COL6A5: variants seen among roughly 807,000 people sequenced by gnomAD.
The protein encoded by COL6A5 is collagen type VI alpha 5 chain, also known as collagen alpha-5(VI) chain.
Under a neutral mutation model 65.6 loss-of-function variants are expected in COL6A5, and 48 were observed. The ratio of observed to expected loss-of-function variants is 0.73; its 90% confidence interval spans 0.58 to 0.93. COL6A5 has a LOEUF of 0.93. Among genes scored for constraint, COL6A5 ranks in the 40% least tolerant of loss-of-function variants. The probability of loss-of-function intolerance (pLI) is 0.00; values close to 1 mark genes in which losing one functional copy is unlikely to be tolerated. For synonymous variants in COL6A5, 291 were observed against 322.8 expected (o/e 0.90, Z 1.05); for missense variants, 914 against 928.3 (o/e 0.98, Z 0.20).
Position 130,395,555 on chromosome 3 carries a change from T to C in COL6A5, c.3568+90T>C, listed in dbSNP as rs1936569409. The C allele has an allele frequency of 3.3e-5, 31 of 944,124 alleles. No individual in the cohort carries two copies. In the South Asian group the frequency reaches 4.7e-4, roughly 14 times the overall value. The allele number at this position is 944,124 out of a possible 1,614,324, so 58.5% of individuals were successfully genotyped here. On this transcript the variant is annotated intron_variant and NMD_transcript_variant, in intron 8 of 41. Coordinates refer to the COL6A5 transcript ENST00000312481. ...CTTATGGGCTAGCTCTAGCAGAGCA[T>C]ATATTTAGAACATATATTTAGTGAG...
At chr3:130,416,704 C>A in intron 23 of COL6A5, 53 bp from the exon 24 acceptor site, 2 of 994,442 alleles carry the variant, frequency 2.0e-6, no homozygotes, top group African/African-American at 1.6e-5. Context: ...TTCTAATGGG[C>A]TTTCTAAGAA....
chr3:130,461,759 T>A (rs527518223), intron 5 of COL6A5, among the ~76,000 whole-genome samples: 5 of 147,334 alleles, frequency 3.4e-5, no homozygotes, highest in African/African-American at 1.3e-4. Context: ...TAAATTTAAA[T>A]TAACTTTTTT....
chr3:130,352,014 G>A (rs1024283450), intron 1 of COL6A5, among the ~76,000 whole-genome samples: 6 of 152,116 alleles, frequency 3.9e-5, no homozygotes, highest in African/African-American at 1.4e-4. Context: ...GCAGGGACAT[G>A]GATCAAGCTG....
intron 7 of COL6A5, among the ~76,000 whole-genome samples, chr3:130,475,429 T>C (rs145679317): frequency 5.9e-5 from 9 of 152,206 alleles, no homozygotes; most frequent in East Asian, 1.9e-4. Context: ...TCAGAAACCA[T>C]GAAGGCTAGA....
chr3:130,473,311 C>T (rs1710006523), intron 7 of COL6A5, among the ~76,000 whole-genome samples: 1 of 151,980 alleles, frequency 6.6e-6, no homozygotes, highest in African/African-American at 2.4e-5. Flanking sequence ...TGGCTTTATG[C>T]TGAGGGCAAG....
At chr3:130,397,734 A>G (rs1478586605) in exon 9 of COL6A5, 3 of 1,551,732 alleles carry the variant, frequency 1.9e-6, no homozygotes, top group Non-Finnish European at 2.6e-6. Flanking sequence ...GGGCTGGCAC[A>G]GAGGCACAGG....
At chr3:130,358,734 A>G (rs1331344844) in intron 1 of COL6A5, among the ~76,000 whole-genome samples, 4 of 152,172 alleles carry the variant, frequency 2.6e-5, no homozygotes, top group Non-Finnish European at 4.4e-5. Context: ...CCTGAGGGAA[A>G]ATATGATTTG....
At chr3:130,388,600 G>A (rs568209032) in exon 6 of COL6A5, 29 of 1,545,166 alleles carry the variant, frequency 1.9e-5, no homozygotes, top group East Asian at 7.3e-5. Context: ...CATGAAGGCC[G>A]ACATCATGTT....
In COL6A5 at chr3:130,389,642, C is replaced by T. The variant is rs527562743; in HGVS notation, c.2416+508C>T. ...CATTATTATTCTTAACCTCTATCAA[C>T]TGGATATTTTATATTTGCCTGTTCG... On this transcript the variant is annotated intron_variant and NMD_transcript_variant, in intron 6 of 41. Transcript: ENST00000312481. Among the ~76,000 whole-genome samples, 24 of 151,918 alleles carry T rather than the reference C, an allele frequency of 1.6e-4. 1 individual carries two copies. In the South Asian group the frequency reaches 4.0e-3, roughly 25 times the overall value.
exon 7 of COL6A5, chr3:130,391,243 AC>A (rs1461335608): frequency 1.9e-6 from 3 of 1,551,680 alleles, no homozygotes; most frequent in Non-Finnish European, 2.6e-6. Flanking sequence ...GCATAAAAAA[AC>A]AATATCAAGA....
chr3:130,363,523 G>A (rs567336865), intron 1 of COL6A5, among the ~76,000 whole-genome samples: 4 of 152,222 alleles, frequency 2.6e-5, no homozygotes, highest in Middle Eastern at 3.4e-3. Context: ...ATTTCCTTTC[G>A]TCTAGGCCAG....
intron 8 of COL6A5, 87 bp from the exon 9 acceptor site, chr3:130,397,496 G>T: frequency 9.9e-7 from 1 of 1,008,254 alleles, no homozygotes. Context: ...CTAGCTCTGG[G>T]GCATGACAGT....
In COL6A5 at chr3:130,403,569, G is replaced by C. The variant is rs747789022; in HGVS notation, c.4228-40G>C. On this transcript the variant is annotated intron_variant and NMD_transcript_variant, in intron 12 of 41. Coordinates refer to the COL6A5 transcript ENST00000312481. ...ATTTCACAAGTTTGACTTTATTGGG[G>C]GGGGGTGACTAAAATGTATTGTTCT... is the stretch of plus-strand genomic sequence containing the variant. 245 of 1,515,316 alleles carry C rather than the reference G, an allele frequency of 1.6e-4. 2 individuals are homozygous for C. Among genetic ancestry groups the C allele is most frequent in the Non-Finnish European group, 2.1e-4 (234 of 1,117,308 alleles). The allele number at this position is 1,515,316 out of a possible 1,614,324, so 93.9% of individuals were successfully genotyped here.
exon 1 of COL6A5, chr3:130,431,494 G>A: frequency 1.9e-6 from 3 of 1,551,208 alleles, no homozygotes; most frequent in Non-Finnish European, 2.6e-6. Flanking sequence ...AACAGAGCTA[G>A]TATTTGCTCT....
At chr3:130,354,184 T>A (rs1934834226) in intron 1 of COL6A5, among the ~76,000 whole-genome samples, 1 of 151,916 alleles carries the variant, frequency 6.6e-6, no homozygotes, top group African/African-American at 2.4e-5. Flanking sequence ...GGATAAAATA[T>A]CCAAGCAGGA....
At chr3:130,468,888 T>G (rs1237821901) in exon 6 of COL6A5, 2 of 1,612,110 alleles carry the variant, frequency 1.2e-6, no homozygotes. Context: ...GTGGCTTTCC[T>G]CATAGATGCT....
intron 5 of COL6A5, among the ~76,000 whole-genome samples, chr3:130,387,825 A>G (rs1164773985): frequency 6.6e-6 from 1 of 152,046 alleles, no homozygotes. Flanking sequence ...CAACATATGT[A>G]TCATGAATTA....
intron 17 of COL6A5, among the ~76,000 whole-genome samples, chr3:130,407,672 C>A (rs1305095601): frequency 6.6e-6 from 1 of 152,140 alleles, no homozygotes; most frequent in Non-Finnish European, 1.5e-5. Flanking sequence ...ACCTTAGGTG[C>A]CTCTCTCATC....
chr3:130,420,138 G>A (rs4688800), intron 25 of COL6A5, among the ~76,000 whole-genome samples: 1 of 54,240 alleles, frequency 1.8e-5, no homozygotes, highest in African/African-American at 3.8e-5. Context: ...AAAAGGAAAG[G>A]AAGAAAGAAG....
Sources: allele counts gnomAD v4.1 joint callset (sites outside exome capture counted in the v4.1 genomes callset), GRCh38; gene constraint gnomAD v4.1.1; transcripts MANE v1.5; gene names NCBI Gene and HGNC (gene_info 2026-07-23, HGNC 2026-07-21).